FHOD3: variants seen among roughly 807,000 people sequenced by gnomAD.
FHOD3 encodes the protein formin homology 2 domain containing 3.
FHOD3 carries 90 observed loss-of-function variants against 173.0 expected under a neutral mutation model. The ratio of observed to expected loss-of-function variants is 0.52; its 90% CI spans 0.44 to 0.62. The LOEUF is 0.62. Ranked by LOEUF, FHOD3 falls within the 20% of genes least tolerant of loss-of-function variation. The pLI, the probability that FHOD3 is intolerant of heterozygous loss-of-function variation, is 0.00. For synonymous variants in FHOD3, 828 were observed against 823.0 expected (o/e 1.01, Z -0.10); for missense variants, 1,945 against 2,034.7 (o/e 0.96, Z 0.85).
rs1389925666 is a variant in FHOD3 at position 36,746,931 on chromosome 18, G to A, written c.4042-14G>A. On this transcript the variant is annotated splice_polypyrimidine_tract_variant and intron_variant, in intron 23 of 28. Transcript: ENST00000590592. Reference sequence around the variant, plus strand: ...CGGTTTCAGTGTTTGCAGTGTTCTCGCTCTGATTTTCAGGTTGACTTTGAT... The same window carrying A: ...CGGTTTCAGTGTTTGCAGTGTTCTCACTCTGATTTTCAGGTTGACTTTGAT... 2 of 1,594,306 alleles carry A rather than the reference G, an allele frequency of 1.3e-6. No homozygotes were observed. Among genetic ancestry groups the A allele is most frequent in the South Asian group, 1.1e-5 (1 of 87,506 alleles).
Position 36,297,778 on chromosome 18 carries a change from GTCCCGGCCCGCGGCCCCGCTAACCC to G in FHOD3, c.-57_-33del. 1 of 1,429,628 alleles carries G rather than the reference GTCCCGGCCCGCGGCCCCGCTAACCC, an allele frequency of 7.0e-7. No individual in the cohort carries two copies. The highest frequency in any genetic ancestry group is 9.2e-7 in the Non-Finnish European group (1 of 1,081,824). The allele number at this position is 1,429,628 out of a possible 1,614,324, so 88.6% of individuals were successfully genotyped here. ...CTCCCCTGCGCGCAGCTACCCGGGC[GTCCCGGCCCGCGGCCCCGCTAACCC>G]CGGGGCCCGCGCCCCCGCGGCAGGG... On this transcript the variant is annotated 5_prime_UTR_variant, in exon 1 of 29. Coordinates refer to ENST00000590592, the MANE Select transcript of FHOD3 (RefSeq NM_001281740.3).
At chr18:36,600,252 A>AACAC (rs67473480) in intron 7 of FHOD3, among the ~76,000 whole-genome samples, 14,234 of 142,740 alleles carry the variant, frequency 0.1, 724 homozygotes, top group Middle Eastern at 0.16. Context: ...TCTCCTCTGC[A>AACAC]ACACACACAC....
intron 5 of FHOD3, among the ~76,000 whole-genome samples, chr18:36,520,402 C>G (rs989764327): frequency 7.2e-5 from 11 of 152,144 alleles, no homozygotes; most frequent in African/African-American, 2.7e-4. Flanking sequence ...TTATCTCCAG[C>G]TGGAGCATCA....
At chr18:36,703,587 A>G (rs1684302764) in intron 17 of FHOD3, among the ~76,000 whole-genome samples, 1 of 152,158 alleles carries the variant, frequency 6.6e-6, no homozygotes. Flanking sequence ...CTCAATATGT[A>G]GTAAGTTTGA....
chr18:36,491,635 C>T (rs2054478614), intron 3 of FHOD3, among the ~76,000 whole-genome samples: 1 of 150,982 alleles, frequency 6.6e-6, no homozygotes, highest in East Asian at 1.9e-4. Flanking sequence ...GGTTATGCTA[C>T]TTACAGAATG....
chr18:36,554,850 A>G (rs2057809114), intron 5 of FHOD3, among the ~76,000 whole-genome samples: 1 of 152,190 alleles, frequency 6.6e-6, no homozygotes, highest in South Asian at 2.1e-4. Context: ...TCATCTAAGT[A>G]GTCAAATATT....
intron 14 of FHOD3, among the ~76,000 whole-genome samples, chr18:36,660,009 AC>A (rs1163640863): frequency 6.6e-6 from 1 of 152,142 alleles, no homozygotes; most frequent in Non-Finnish European, 1.5e-5. Context: ...GGTGGCTCAC[AC>A]CTGTAATCCC....
At chr18:36,475,645 T>C in intron 3 of FHOD3, among the ~76,000 whole-genome samples, 1 of 152,138 alleles carries the variant, frequency 6.6e-6, no homozygotes, top group South Asian at 2.1e-4. Flanking sequence ...CTGCTTAGTT[T>C]AAATGTATAT....
At chr18:36,541,054 C>T (rs2045051705) in intron 5 of FHOD3, among the ~76,000 whole-genome samples, 1 of 145,358 alleles carries the variant, frequency 6.9e-6, no homozygotes, top group South Asian at 2.2e-4. Flanking sequence ...AGTTAGAGAC[C>T]AGCCTGGCCA....
chr18:36,402,193 A>C (rs2048845251), intron 3 of FHOD3, among the ~76,000 whole-genome samples: 1 of 152,140 alleles, frequency 6.6e-6, no homozygotes, highest in South Asian at 2.1e-4. Context: ...GTTTTTAAAA[A>C]CAGAAAAAGT....
intron 14 of FHOD3, 120 bp downstream of exon 14, chr18:36,658,308 A>G: frequency 1.5e-6 from 1 of 659,290 alleles, no homozygotes; most frequent in Middle Eastern, 2.5e-4. Flanking sequence ...TTTCCTTTAC[A>G]GAACATTGTC....
chr18:36,612,051 A>G lies in FHOD3; in HGVS notation c.913A>G (p.Lys305Glu). 1 of 1,614,178 alleles carries G rather than the reference A, an allele frequency of 6.2e-7. No homozygotes were observed. The highest frequency in any genetic ancestry group is 1.1e-5 in the South Asian group (1 of 91,084). Residue 305 changes from lysine to glutamate, a missense_variant, in exon 9 of 29, where the codon AAA (lysine) becomes GAA (glutamate). Transcript: ENST00000590592. The stretch of plus-strand genomic sequence containing the variant: ...TGTGTCCCAGAGGCACTTGAACAAG[A>G]AAGGGACTGACCTGGACTTAGTGGA... Reference protein sequence around the residue: ...AAVSQRHLNKKGTDLDLVEQL... With the variant: ...AAVSQRHLNKEGTDLDLVEQL...
intron 14 of FHOD3, among the ~76,000 whole-genome samples, chr18:36,659,565 G>C (rs951028952): frequency 6.6e-5 from 10 of 152,212 alleles, no homozygotes; most frequent in Non-Finnish European, 1.5e-4. Context: ...CACCTGCCAA[G>C]CTGCCAGCTC....
chr18:36,630,166 A>G (rs1277002399), intron 10 of FHOD3, among the ~76,000 whole-genome samples: 3 of 152,156 alleles, frequency 2.0e-5, no homozygotes, highest in African/African-American at 7.2e-5. Flanking sequence ...CCTACCTTAA[A>G]TATTCATGTG....
intron 3 of FHOD3, among the ~76,000 whole-genome samples, chr18:36,409,699 C>G (rs534672141): frequency 6.6e-6 from 1 of 152,116 alleles, no homozygotes; most frequent in Non-Finnish European, 1.5e-5. Flanking sequence ...TAGGGCTGAC[C>G]GTCAGATACA....
At chr18:36,487,802 C>A (rs1266387701) in intron 3 of FHOD3, among the ~76,000 whole-genome samples, 1 of 152,166 alleles carries the variant, frequency 6.6e-6, no homozygotes, top group East Asian at 1.9e-4. Flanking sequence ...CTGCATGGCA[C>A]TCTTGGCTTA....
At chr18:36,735,312 A>G (rs946959287) in intron 20 of FHOD3, among the ~76,000 whole-genome samples, 1 of 152,232 alleles carries the variant, frequency 6.6e-6, no homozygotes, top group Non-Finnish European at 1.5e-5. Context: ...GGTGCTGGAT[A>G]CACACAGAGG....
intron 5 of FHOD3, among the ~76,000 whole-genome samples, chr18:36,545,683 C>G (rs988200025): frequency 6.6e-6 from 1 of 152,190 alleles, no homozygotes; most frequent in African/African-American, 2.4e-5. Flanking sequence ...TGTGAAAACA[C>G]TGTTGCGAGA....
At chr18:36,321,726 A>G (rs2044403910) in intron 1 of FHOD3, among the ~76,000 whole-genome samples, 1 of 152,186 alleles carries the variant, frequency 6.6e-6, no homozygotes, top group Non-Finnish European at 1.5e-5. Context: ...AGCGGTGACC[A>G]GGGCTGTGAG....
Sources: allele counts gnomAD v4.1 joint callset (sites outside exome capture counted in the v4.1 genomes callset), GRCh38; gene constraint gnomAD v4.1.1; transcripts MANE v1.5; gene names NCBI Gene and HGNC (gene_info 2026-07-23, HGNC 2026-07-21).